SLC44A3: variants seen among roughly 807,000 people sequenced by gnomAD.
SLC44A3 encodes choline transporter-like protein 3.
SLC44A3 carries 74 observed loss-of-function variants against 75.4 expected under a neutral mutation model. The observed-to-expected ratio is 0.98, with a 90% CI of 0.81 to 1.19. SLC44A3 has a LOEUF of 1.19. SLC44A3 is among the 50% of genes most tolerant of loss of function. SLC44A3 has a pLI of 0.00. For missense variants in SLC44A3, 700 were observed against 778.6 expected, an observed-to-expected ratio of 0.90 and a Z score of 1.20; for synonymous variants, 310 against 296.9, an observed-to-expected ratio of 1.04 and a Z score of -0.45.
At chr1:94,861,694 G>A (rs1666595800) in intron 10 of SLC44A3, among the ~76,000 whole-genome samples, 1 of 152,154 alleles carries the variant, frequency 6.6e-6, no homozygotes, top group Admixed American at 6.5e-5. Flanking sequence ...CTCAGGGTGA[G>A]GATTAAATAT....
intron 13 of SLC44A3, 27 bp from the exon 14 acceptor site, chr1:94,892,254 T>G (rs760894960): frequency 3.8e-6 from 6 of 1,592,482 alleles, no homozygotes; most frequent in Non-Finnish European, 4.3e-6. Flanking sequence ...TTCATAAAGA[T>G]TTTCAACAAA....
chr1:94,870,708 G>A (rs1325198528), intron 12 of SLC44A3, among the ~76,000 whole-genome samples: 1 of 152,170 alleles, frequency 6.6e-6, no homozygotes, highest in Non-Finnish European at 1.5e-5. Flanking sequence ...TTGAGACGGA[G>A]TTTTGCTCCT....
chr1:94,894,340 A>T (rs1670543168), intron 14 of SLC44A3, among the ~76,000 whole-genome samples: 1 of 152,100 alleles, frequency 6.6e-6, no homozygotes, highest in Non-Finnish European at 1.5e-5. Context: ...TCTGAATGAA[A>T]TCCCCTTATC....
At chr1:94,876,642 C>A (rs1668320982) in intron 12 of SLC44A3, among the ~76,000 whole-genome samples, 1 of 152,178 alleles carries the variant, frequency 6.6e-6, no homozygotes. Context: ...TCATGTCCTG[C>A]TACAAGCAGG....
chr1:94,840,826 G>C (rs1663529492), intron 7 of SLC44A3, among the ~76,000 whole-genome samples: 1 of 152,224 alleles, frequency 6.6e-6, no homozygotes, highest in South Asian at 2.1e-4. Flanking sequence ...TGGAGACCCT[G>C]TACTGTGCCC....
intron 12 of SLC44A3, among the ~76,000 whole-genome samples, chr1:94,870,869 C>T (rs907976137): frequency 1.3e-5 from 2 of 152,164 alleles, no homozygotes; most frequent in Non-Finnish European, 2.9e-5. Context: ...TTAGTAGAAA[C>T]GGCATTTCAC....
intron 11 of SLC44A3, among the ~76,000 whole-genome samples, chr1:94,866,676 A>T (rs1449519603): frequency 2.0e-5 from 3 of 152,186 alleles, no homozygotes; most frequent in African/African-American, 7.2e-5. Context: ...TCCTCATCCT[A>T]GGCTATTTCA....
At chr1:94,871,154 C>T (rs955261959) in intron 12 of SLC44A3, among the ~76,000 whole-genome samples, 1 of 152,194 alleles carries the variant, frequency 6.6e-6, no homozygotes, top group African/African-American at 2.4e-5. Flanking sequence ...ATGACCACCA[C>T]CTGGGGATGT....
intron 6 of SLC44A3, among the ~76,000 whole-genome samples, chr1:94,839,225 T>A (rs1264705773): frequency 6.6e-6 from 1 of 152,194 alleles, no homozygotes; most frequent in Non-Finnish European, 1.5e-5. Flanking sequence ...TAATCTTTCA[T>A]ATTTAATAAG....
Position 94,820,605 on chromosome 1 carries a change from AG to A in SLC44A3, c.27+128del. 5.8e-6 allele frequency: 8 copies of A among 1,388,344 alleles called. No individual in the cohort carries two copies. The South Asian group carries it at 1.3e-4, about 22-fold the overall frequency. The allele number at this position is 1,388,344 out of a possible 1,614,324, so 86.0% of individuals were successfully genotyped here. A position where few individuals can be genotyped will look rare whatever the true frequency, so the allele number is the denominator to read the frequency against. On this transcript the variant is annotated intron_variant, in intron 1 of 14. Coordinates refer to ENST00000271227, the MANE Select transcript of SLC44A3 (RefSeq NM_001114106.3). ...CGCCTCGGGGATCCCGCCCCCGCTT[AG>A]TACCTTGGGGCCACCTGGCGGGGAG...
intron 1 of SLC44A3, 77 bp downstream of exon 1, chr1:94,820,555 C>G: frequency 1.4e-6 from 2 of 1,445,566 alleles, no homozygotes; most frequent in Non-Finnish European, 9.1e-7. Flanking sequence ...CGCACCTTCC[C>G]TGCCGGACGC....
intron 9 of SLC44A3, among the ~76,000 whole-genome samples, chr1:94,853,453 G>A (rs540878541): frequency 1.4e-4 from 21 of 152,320 alleles, no homozygotes; most frequent in African/African-American, 5.1e-4. Flanking sequence ...TTAAAGATGG[G>A]AGATAGTTGC....
chr1:94,838,462 T>C (rs867388121), intron 6 of SLC44A3, among the ~76,000 whole-genome samples: 15 of 152,212 alleles, frequency 9.9e-5, no homozygotes, highest in African/African-American at 2.9e-4. Context: ...TATGTTTCAG[T>C]TGGCTGAAAT....
chr1:94,831,265 A>C (rs1202914433), intron 5 of SLC44A3, among the ~76,000 whole-genome samples: 2 of 152,154 alleles, frequency 1.3e-5, no homozygotes, highest in Non-Finnish European at 1.5e-5. Flanking sequence ...CCTTTTTTGG[A>C]CAGAAAGAGA....
chr1:94,857,643 G>T, intron 10 of SLC44A3, 143 bp downstream of exon 10: 2 of 791,692 alleles, frequency 2.5e-6, no homozygotes, highest in Admixed American at 3.5e-5. Flanking sequence ...CTAAAATTTG[G>T]GCTGTATTCT....
chr1:94,883,020 T>C (rs1307055793), intron 12 of SLC44A3, among the ~76,000 whole-genome samples: 8 of 151,238 alleles, frequency 5.3e-5, no homozygotes, highest in African/African-American at 1.9e-4. Context: ...CAGAGGATCT[T>C]TCTTTATCTG....
intron 8 of SLC44A3, among the ~76,000 whole-genome samples, chr1:94,844,815 G>A (rs1213266041): frequency 6.6e-6 from 1 of 152,176 alleles, no homozygotes; most frequent in Non-Finnish European, 1.5e-5. Flanking sequence ...AGAATGGTTT[G>A]TTTCATTAAT....
At chr1:94,824,742 C>A in intron 3 of SLC44A3, 107 bp downstream of exon 3, 3 of 1,365,054 alleles carry the variant, frequency 2.2e-6, no homozygotes, top group African/African-American at 1.5e-5. Flanking sequence ...ACTCTGTCAG[C>A]CTATTTTATA....
intron 9 of SLC44A3, among the ~76,000 whole-genome samples, chr1:94,847,837 T>C (rs947104611): frequency 8.5e-5 from 13 of 152,196 alleles, no homozygotes; most frequent in African/African-American, 3.1e-4. Context: ...CTGGGAGGCA[T>C]GACGTGCTGT....
Sources: allele counts gnomAD v4.1 joint callset (sites outside exome capture counted in the v4.1 genomes callset), GRCh38; gene constraint gnomAD v4.1.1; transcripts MANE v1.5; gene names NCBI Gene and HGNC (gene_info 2026-07-23, HGNC 2026-07-21).